Variants in TMC6 observed in about 807,000 individuals in gnomAD.
TMC6 encodes transmembrane channel like 6.
In TMC6, 71 loss-of-function variants were observed where a neutral mutation model predicts 95.4. The ratio of observed to expected loss-of-function variants is 0.74; its 90% CI spans 0.61 to 0.91. The LOEUF is 0.91. Among genes scored for constraint, TMC6 ranks in the 40% least tolerant of loss-of-function variants. The pLI is 0.00. For synonymous variants in TMC6, 514 were observed against 483.1 expected (o/e 1.06, Z -0.84); for missense variants, 1,074 against 1,079.1 (o/e 1.00, Z 0.07).
chr17:78,131,822 C>G, upstream of TMC6: 1 of 1,500,084 alleles, frequency 6.7e-7, no homozygotes, highest in East Asian at 2.5e-5. Flanking sequence ...ACCCCGTCTG[C>G]TTGGCCCGGG....
In TMC6 at chr17:78,122,779, C is replaced by T. The variant is rs968160304; in HGVS notation, c.1083-30G>A. 7 of 1,603,534 alleles carry T rather than the reference C, an allele frequency of 4.4e-6. No individual in the cohort carries two copies. The highest frequency in any genetic ancestry group is 5.9e-6 in the Non-Finnish European group (7 of 1,177,058). Reference sequence around the variant, plus strand: ...GGAGAAGCAGACACAGACATGGCAACCAACAAGCTGACGGGCAGAGGCCAA... The same window carrying T: ...GGAGAAGCAGACACAGACATGGCAATCAACAAGCTGACGGGCAGAGGCCAA... On this transcript the variant is annotated intron_variant, in intron 9 of 19. Coordinates refer to ENST00000590602, the MANE Select transcript of TMC6 (RefSeq NM_001127198.5). The surrounding 1 kb of genome is among the most constrained non-coding windows in gnomAD (Gnocchi z 4.9).
At chr17:78,118,065 A>G in intron 15 of TMC6, 130 bp from the exon 16 acceptor site, 1 of 1,467,282 alleles carries the variant, frequency 6.8e-7, no homozygotes, top group Non-Finnish European at 9.1e-7. Context: ...TGCTCCCTGC[A>G]GCCTCCTCAT....
chr17:78,120,599 C>T, intron 13 of TMC6, 54 bp downstream of exon 13: 2 of 1,598,640 alleles, frequency 1.3e-6, no homozygotes, highest in Non-Finnish European at 1.7e-6. Context: ...GGCCACACGT[C>T]CCGGCCACTA....
At chr17:78,114,504 G>A (rs761642504) in intron 18 of TMC6, among the ~76,000 whole-genome samples, 1 of 152,046 alleles carries the variant, frequency 6.6e-6, no homozygotes, top group African/African-American at 2.4e-5. Flanking sequence ...GGGCTCTTTC[G>A]ACAATGAAAT....
At chr17:78,131,125 G>T, upstream of TMC6, 1 of 233,152 alleles carries the variant, frequency 4.3e-6, no homozygotes, top group Non-Finnish European at 8.7e-6. Flanking sequence ...TTCCGGAAGG[G>T]CAAACTGCCA....
In TMC6 at chr17:78,125,766, C is replaced by T. The variant is rs374895971; in HGVS notation, c.390G>A (p.Leu130=). ...FVRSAWPSLR[L]YDLELDPTAL... Reference sequence around the variant, plus strand: ...CCGTGGGGTCCAGCTCCAGGTCGTACAGGCGGAGGCTGGGCCAGGCGGAGC... The same window carrying T: ...CCGTGGGGTCCAGCTCCAGGTCGTATAGGCGGAGGCTGGGCCAGGCGGAGC... The change falls in exon 5 of 20, where the codon CTG becomes CTA. Residue 130 remains leucine, a synonymous_variant. Transcript: ENST00000590602. 2.0e-5 allele frequency: 32 copies of T among 1,567,538 alleles called. No individual in the cohort carries two copies. Among genetic ancestry groups the T allele is most frequent in the Non-Finnish European group, 2.6e-5 (30 of 1,156,632 alleles).
In TMC6 at chr17:78,113,207, C is replaced by T. The variant is rs769161987; in HGVS notation, c.2359G>A (p.Gly787Arg). The part of the protein sequence containing the change: ...RKEREERSRV[G>R]TTEEAAAPPA... ...GGTGCCGCAGCCTCCTCGGTTGTCCCAACCCTGCCAGAAAGAGACATCACT... is the reference window on the plus strand; with the variant it reads ...GGTGCCGCAGCCTCCTCGGTTGTCCTAACCCTGCCAGAAAGAGACATCACT... The change falls in exon 20 of 20, where the codon GGG becomes AGG. Residue 787 changes from glycine to arginine, a missense_variant. Transcript: ENST00000590602. 4.4e-5 allele frequency: 69 copies of T among 1,554,392 alleles called. 2 individuals are homozygous for T. The South Asian group carries it at 7.8e-4, about 18-fold the overall frequency.
chr17:78,108,687 A>G lies in TMC6; in HGVS notation c.*4461T>C. The G allele has an allele frequency of 6.5e-6, 1 of 154,538 alleles. No individual in the cohort carries two copies. Among genetic ancestry groups the G allele is most frequent in the Middle Eastern group, 5.4e-4 (1 of 1,862 alleles). The allele number at this position is 154,538 out of a possible 1,614,324, so 9.6% of individuals were successfully genotyped here. On this transcript the variant is annotated 3_prime_UTR_variant, in exon 20 of 20. Transcript: ENST00000590602. ...CCCTGTGTAGGGACCCCACGCAAAGACCTCGTGGGCCTGGGTGTCCAGGGC... is the reference window on the plus strand; with the variant it reads ...CCCTGTGTAGGGACCCCACGCAAAGGCCTCGTGGGCCTGGGTGTCCAGGGC...
intron 18 of TMC6, chr17:78,113,912 C>G: frequency 4.4e-6 from 2 of 451,586 alleles, no homozygotes; most frequent in South Asian, 4.2e-5. Context: ...AGCCCTGCCA[C>G]GTACTGGCTC....
In TMC6 at chr17:78,109,494, G is replaced by T. The variant is rs1019550758; in HGVS notation, c.*3654C>A. 2.2e-6 allele frequency: 1 copy of T among 456,570 alleles called. No individual in the cohort carries two copies. The highest frequency in any genetic ancestry group is 6.9e-5 in the East Asian group (1 of 14,410). The allele number at this position is 456,570 out of a possible 1,614,324, so 28.3% of individuals were successfully genotyped here. On this transcript the variant is annotated 3_prime_UTR_variant, in exon 20 of 20. Transcript: ENST00000590602. The stretch of plus-strand genomic sequence containing the variant: ...ACAAGTGTAGTATGCCTGGGCCCCA[G>T]GTCATCATGAAAACCAGAAGCAGAC...
At chr17:78,130,365 C>T (rs2074930911), upstream of TMC6, among the ~76,000 whole-genome samples, 1 of 152,242 alleles carries the variant, frequency 6.6e-6, no homozygotes, top group Non-Finnish European at 1.5e-5. Flanking sequence ...CCTGTGCCCC[C>T]ACCGTTCCCA....
At chr17:78,123,950 G>A in intron 9 of TMC6, 39 bp downstream of exon 9, 1 of 1,608,710 alleles carries the variant, frequency 6.2e-7, no homozygotes, top group Non-Finnish European at 8.5e-7. Context: ...GGATGGATGA[G>A]TGGAGCTCGG....
At position 78,120,729 on chromosome 17, in the gene TMC6, G is replaced by A; in HGVS notation, c.1639C>T (p.Gln547Ter). 6.2e-7 allele frequency: 1 copy of A among 1,613,916 alleles called. No homozygotes were observed. The highest frequency in any genetic ancestry group is 8.5e-7 in the Non-Finnish European group (1 of 1,180,008). ...ATCACCAGGAACCGGTACAGCTCCT[G>A]GCCCACAAAATCCTCCCAGCACTGG... Reference protein sequence around the residue: ...QGQCWEDFVGQELYRFLVMDF... With the variant: ...QGQCWEDFVG Residue 547 changes from glutamine (Q) to a stop codon, truncating the protein, a stop_gained, in exon 13 of 20, where the codon CAG (glutamine) becomes TAG (stop). Coordinates refer to ENST00000590602, the MANE Select transcript of TMC6 (RefSeq NM_001127198.5). LOFTEE classifies it high-confidence loss of function.
At chr17:78,116,166 G>A (rs887296439) in intron 18 of TMC6, among the ~76,000 whole-genome samples, 8 of 151,962 alleles carry the variant, frequency 5.3e-5, no homozygotes, top group East Asian at 3.9e-4. Flanking sequence ...TAGTAGAGAC[G>A]GGGTTTTGCC....
In TMC6 at chr17:78,125,187, G is replaced by C. The variant is rs762142400; in HGVS notation, c.507C>G (p.Pro169=). 1.3e-6 allele frequency: 2 copies of C among 1,583,204 alleles called. No individual in the cohort carries two copies. Among genetic ancestry groups the C allele is most frequent in the Non-Finnish European group, 1.7e-6 (2 of 1,164,336 alleles). ...GGCTGCGTTTCTCAGCCAGGCTTAA[G>C]GGCATCCCGCGAAGCATGTGGTCCC... ...AQRDHMLRGM[P]LSLAEKRSLR... is the part of the protein sequence containing the mutation. The change falls in exon 6 of 20, where the codon CCC becomes CCG. Residue 169 remains proline (P), a synonymous_variant. Coordinates refer to ENST00000590602, the MANE Select transcript of TMC6 (RefSeq NM_001127198.5).
In TMC6 at chr17:78,109,311, C is replaced by T. The variant is rs146762787; in HGVS notation, c.*3837G>A. Reference sequence around the variant, plus strand: ...GGGAAAACAGAGACAGTGGGGCATCCCGAGAAGATCCTCTGCAGGAGTGCG... The same window carrying T: ...GGGAAAACAGAGACAGTGGGGCATCTCGAGAAGATCCTCTGCAGGAGTGCG... On this transcript the variant is annotated 3_prime_UTR_variant, in exon 20 of 20. Transcript: ENST00000590602. The T allele has an allele frequency of 1.3e-3, 491 of 373,758 alleles. 3 individuals carry two copies. The highest frequency in any genetic ancestry group is 9.3e-3 in the African/African-American group (439 of 47,294). 23.2% of individuals were successfully genotyped at this position (373,758 alleles called of 1,614,324 possible).
In TMC6 at chr17:78,110,888, T is replaced by A. The variant is rs997627362; in HGVS notation, c.*2260A>T. On this transcript the variant is annotated 3_prime_UTR_variant, in exon 20 of 20. Coordinates refer to ENST00000590602, the MANE Select transcript of TMC6 (RefSeq NM_001127198.5). ...CAGGCCTCCAGCACGCAAGGGCTGCTCTGAAGAAATACGGGAGGTCCTCAC... is the reference window on the plus strand; with the variant it reads ...CAGGCCTCCAGCACGCAAGGGCTGCACTGAAGAAATACGGGAGGTCCTCAC... 2 of 152,226 alleles carry A rather than the reference T, an allele frequency of 1.3e-5. No individual in the cohort carries two copies. The highest frequency in any genetic ancestry group is 4.8e-5 in the African/African-American group (2 of 41,416). 9.4% of individuals were successfully genotyped at this position (152,226 alleles called of 1,614,324 possible). A position where few individuals can be genotyped will look rare whatever the true frequency, so the allele number is the denominator to read the frequency against.
At chr17:78,123,019 A>G in intron 9 of TMC6, 1 of 559,182 alleles carries the variant, frequency 1.8e-6, no homozygotes, top group Non-Finnish European at 3.2e-6. Context: ...CCAGCGAGAC[A>G]TGGACCAGAA....
rs1362443608 is a variant in TMC6 at position 78,128,429 on chromosome 17, C to G, written c.-75+183G>C. On this transcript the variant is annotated intron_variant, in intron 1 of 19. Coordinates refer to ENST00000590602, the MANE Select transcript of TMC6 (RefSeq NM_001127198.5). The surrounding 1 kb of genome is among the most constrained non-coding windows in gnomAD (Gnocchi z 4.0). The stretch of plus-strand genomic sequence containing the variant: ...CCCGCACTGTCCTCCCCGCCCCTGC[C>G]GCTCCCAGCTCTGTCCGAGCCGGAG... Among the ~76,000 whole-genome samples, 6 of 152,160 alleles carry G rather than the reference C, an allele frequency of 3.9e-5. No individual in the cohort carries two copies. Among genetic ancestry groups the G allele is most frequent in the South Asian group, 4.1e-4 (2 of 4,832 alleles).
Sources: allele counts gnomAD v4.1 joint callset (sites outside exome capture counted in the v4.1 genomes callset), GRCh38; gene constraint gnomAD v4.1.1; non-coding constraint Gnocchi (gnomAD v3.1); transcripts MANE v1.5; gene names NCBI Gene and HGNC (gene_info 2026-07-23, HGNC 2026-07-21).